ZNF610: variants seen among roughly 807,000 people sequenced by gnomAD.
The protein encoded by ZNF610 is zink finger protein.
Under a neutral mutation model 14.1 loss-of-function variants are expected in ZNF610, and 14 were observed. The observed-to-expected ratio is 0.99, with a 90% CI of 0.65 to 1.55. ZNF610 has a LOEUF of 1.55. Ranked by LOEUF, ZNF610 falls within the 40% of genes most tolerant of loss-of-function variation. The pLI is 0.00. For missense variants in ZNF610, 530 were observed against 558.0 expected (o/e 0.95, Z 0.51); for synonymous variants, 185 against 187.6 (o/e 0.99, Z 0.11).
At chr19:52,334,547 A>C (rs7256570), upstream of ZNF610, among the ~76,000 whole-genome samples, 96,078 of 151,790 alleles carry the variant, frequency 0.63, 30,724 homozygotes, top group African/African-American at 0.7. Flanking sequence ...TTATAAAATT[A>C]AATGAATATT....
At chr19:52,357,183 TACATACTTA>T (rs1234744611) in intron 5 of ZNF610, among the ~76,000 whole-genome samples, 2 of 152,176 alleles carry the variant, frequency 1.3e-5, no homozygotes, top group Non-Finnish European at 2.9e-5. Flanking sequence ...CTCATGGTAA[TACATACTTA>T]ACATTTACAG....
chr19:52,361,872 G>GT lies in ZNF610; in HGVS notation c.320-3818dup, dbSNP rs541739820. ...TTCTGCTACCTTTCTATTTAGTTTG[G>GT]TTTTTTTTATACTTCATTGAAGTAT... On this transcript the variant is annotated intron_variant, in intron 5 of 5. Coordinates refer to ENST00000403906, the MANE Select transcript of ZNF610 (RefSeq NM_001161425.2). Among the ~76,000 whole-genome samples, 43 of 151,656 alleles carry GT rather than the reference G, an allele frequency of 2.8e-4. No individual in the cohort carries two copies. In the South Asian group the frequency reaches 2.9e-3, roughly 10 times the overall value.
upstream of ZNF610, among the ~76,000 whole-genome samples, chr19:52,331,386 A>T (rs970207181): frequency 6.6e-5 from 10 of 152,176 alleles, no homozygotes; most frequent in African/African-American, 1.9e-4. Context: ...CCAGGTTATA[A>T]AAAACAAGAG....
rs1024432852 is a variant in ZNF610 at position 52,336,434 on chromosome 19, C to T, written c.-330C>T. ...AAATTCAGGCGTCTCCGTGAGAGTC[C>T]GGCGCTCGCTTCCCTGTGTGTTAAA... On this transcript the variant is annotated 5_prime_UTR_variant, in exon 1 of 6. Transcript: ENST00000403906. 3.9e-5 allele frequency: 7 copies of T among 177,874 alleles called. No homozygotes were observed. Among genetic ancestry groups the T allele is most frequent in the Admixed American group, 6.5e-5 (1 of 15,374 alleles). 11.0% of individuals were successfully genotyped at this position (177,874 alleles called of 1,614,324 possible).
chr19:52,345,960 T>A (rs1984928719), intron 1 of ZNF610, among the ~76,000 whole-genome samples: 1 of 150,730 alleles, frequency 6.6e-6, no homozygotes, highest in Non-Finnish European at 1.5e-5. Flanking sequence ...CGCCTTGACC[T>A]CCCAAAGTGC....
At position 52,336,264 on chromosome 19, in the gene ZNF610, G is replaced by T. The variant is rs1194701817; in HGVS notation, c.-500G>T. 9 of 271,052 alleles carry T rather than the reference G, an allele frequency of 3.3e-5. No homozygotes were observed. Among genetic ancestry groups the T allele is most frequent in the East Asian group, 1.6e-4 (1 of 6,394 alleles). 16.8% of individuals were successfully genotyped at this position (271,052 alleles called of 1,614,324 possible). A position where few individuals can be genotyped will look rare whatever the true frequency, so the allele number is the denominator to read the frequency against. ...TTTTGCAGACCCGGAAGCGGATCGC[G>T]TGGGTAGAAGGTCACACCGCAGCGC... On this transcript the variant is annotated 5_prime_UTR_variant, in exon 1 of 6. Transcript: ENST00000403906.
chr19:52,331,887 CT>C (rs1188171627), upstream of ZNF610, among the ~76,000 whole-genome samples: 1 of 152,204 alleles, frequency 6.6e-6, no homozygotes, highest in Non-Finnish European at 1.5e-5. Context: ...TTCAATCCCC[CT>C]AGGTCCATGT....
At chr19:52,339,216 A>G (rs1984546595) in intron 1 of ZNF610, among the ~76,000 whole-genome samples, 1 of 151,792 alleles carries the variant, frequency 6.6e-6, no homozygotes, top group African/African-American at 2.4e-5. Context: ...ACACCTAGAC[A>G]TTCTATTGCC....
intron 1 of ZNF610, among the ~76,000 whole-genome samples, chr19:52,337,175 A>G (rs1428695267): frequency 1.3e-5 from 2 of 151,612 alleles, no homozygotes; most frequent in African/African-American, 4.8e-5. Flanking sequence ...GAGGCTCCTC[A>G]GACAGAGTAG....
Position 52,353,665 on chromosome 19 carries a change from T to C in ZNF610, c.64-17T>C, listed in dbSNP as rs1243055002. On this transcript the variant is annotated splice_polypyrimidine_tract_variant and intron_variant, in intron 3 of 5. Transcript: ENST00000403906. ...TCTACATTTTTAGTGTTGTAAACAA[T>C]GTGGTCCTCATTTTAGGGACGCTTG... 4 of 1,613,102 alleles carry C rather than the reference T, an allele frequency of 2.5e-6. No individual in the cohort carries two copies. The highest frequency in any genetic ancestry group is 1.1e-5 in the South Asian group (1 of 90,970).
intron 3 of ZNF610, among the ~76,000 whole-genome samples, chr19:52,349,573 A>ATTT (rs909735950): frequency 7.5e-6 from 1 of 132,730 alleles, no homozygotes; most frequent in Non-Finnish European, 1.6e-5. Flanking sequence ...GAAGTCACGT[A>ATTT]TTTTTTTTTT....
chr19:52,334,406 G>A (rs1012293544), upstream of ZNF610, among the ~76,000 whole-genome samples: 3 of 41,526 alleles, frequency 7.2e-5, no homozygotes, highest in Admixed American at 2.1e-4. Flanking sequence ...CCAGCTACTC[G>A]GGAGGCTGAG....
intron 1 of ZNF610, 146 bp downstream of exon 1, chr19:52,336,652 G>A (rs1984396220): frequency 6.4e-6 from 1 of 155,748 alleles, no homozygotes; most frequent in Non-Finnish European, 1.4e-5. Flanking sequence ...GAAGCGCAGC[G>A]CCGCAGCCCC....
chr19:52,334,936 A>AACAAACACACACACACACACAC (rs1555800373), upstream of ZNF610, among the ~76,000 whole-genome samples: 8 of 41,536 alleles, frequency 1.9e-4, no homozygotes, highest in South Asian at 8.4e-4. Context: ...CTCAAAAACA[A>AACAAACACACACACACACACAC]ACACACACAC....
chr19:52,335,747 C>A (rs775205221), upstream of ZNF610, among the ~76,000 whole-genome samples: 2 of 152,218 alleles, frequency 1.3e-5, no homozygotes, highest in Non-Finnish European at 2.9e-5. Context: ...CATGAAATTG[C>A]ACATGCTACC....
intron 1 of ZNF610, among the ~76,000 whole-genome samples, chr19:52,338,062 G>A (rs1361391536): frequency 6.6e-6 from 1 of 152,198 alleles, no homozygotes; most frequent in Non-Finnish European, 1.5e-5. Context: ...CACCACCTGG[G>A]TGTTGTGTAA....
chr19:52,354,334 G>C lies in ZNF610; in HGVS notation c.274G>C (p.Val92Leu), dbSNP rs145543252. ...GATTCTGCAAAGTCAAGTTAAAATA[G>C]TAAAAAATACAGATGGAAGGGAATG... is the stretch of plus-strand genomic sequence containing the variant. ...PLILQSQVKI[V>L]KNTDGRECVR... The change falls in exon 5 of 6, where the codon GTA becomes CTA. Residue 92 changes from valine to leucine, a missense_variant. Physicochemically the swap from Val to Leu is conservative, Grantham distance 32 (BLOSUM62 1). Coordinates refer to ENST00000403906, the MANE Select transcript of ZNF610 (RefSeq NM_001161425.2). The C allele has an allele frequency of 3.7e-6, 6 of 1,613,992 alleles. No individual in the cohort carries two copies. The highest frequency in any genetic ancestry group is 1.1e-5 in the South Asian group (1 of 91,090).
At chr19:52,340,895 G>T (rs919146985) in intron 1 of ZNF610, among the ~76,000 whole-genome samples, 1 of 151,736 alleles carries the variant, frequency 6.6e-6, no homozygotes, top group Non-Finnish European at 1.5e-5. Context: ...TGGCCAGGCT[G>T]GTCTCGGACT....
upstream of ZNF610, among the ~76,000 whole-genome samples, chr19:52,333,939 T>C (rs2039921513): frequency 6.6e-6 from 1 of 152,232 alleles, no homozygotes; most frequent in South Asian, 2.1e-4. Flanking sequence ...TTTTCAAGAC[T>C]GTTTGCCAGA....
Sources: gnomAD v4.1 joint callset for allele counts (sites outside exome capture counted in the v4.1 genomes callset) on GRCh38, gnomAD v4.1.1 for gene constraint, MANE v1.5 for transcripts, NCBI Gene and HGNC (gene_info 2026-07-23, HGNC 2026-07-21) for gene names.